Variants in TRDN observed in about 807,000 individuals in gnomAD.
The protein encoded by TRDN is triadin, also known as triadin in skeletal muscle.
In TRDN, 161 loss-of-function variants were observed where a neutral mutation model predicts 149.7. That is an observed-to-expected ratio of 1.08 (90% CI 0.95 to 1.23). The LOEUF is 1.23. TRDN is among the 50% of genes most tolerant of loss of function. The probability of loss-of-function intolerance (pLI) is 0.00; values close to 1 mark genes in which losing one functional copy is unlikely to be tolerated. For synonymous variants in TRDN, 294 were observed against 250.5 expected, an observed-to-expected ratio of 1.17 and a Z score of -1.64; for missense variants, 896 against 823.5, an observed-to-expected ratio of 1.09 and a Z score of -1.08.
chr6:123,393,024 A>G (rs1362846061), intron 13 of TRDN, among the ~76,000 whole-genome samples: 4 of 152,096 alleles, frequency 2.6e-5, no homozygotes, highest in Non-Finnish European at 5.9e-5. Context: ...CCACATAACA[A>G]AGGCAGAACA....
At chr6:123,442,322 T>C (rs1406251862) in intron 10 of TRDN, 1 of 111,246 alleles carries the variant, frequency 9.0e-6, no homozygotes, top group Non-Finnish European at 1.8e-5. Context: ...GGCGGGCGGA[T>C]CACGAGGTCA....
At chr6:123,529,420 G>C (rs1780116653) in intron 5 of TRDN, 1 of 1,411,114 alleles carries the variant, frequency 7.1e-7, no homozygotes. Context: ...TGAAGAATTG[G>C]CTGACCAATC....
intron 9 of TRDN, among the ~76,000 whole-genome samples, chr6:123,493,375 A>G (rs1778304002): frequency 6.6e-6 from 1 of 152,120 alleles, no homozygotes; most frequent in South Asian, 2.1e-4. Context: ...ACAACAGAAA[A>G]TCAGAAAGAG....
intron 22 of TRDN, among the ~76,000 whole-genome samples, chr6:123,332,472 T>C (rs1015247014): frequency 1.8e-4 from 28 of 152,182 alleles, no homozygotes; most frequent in African/African-American, 6.7e-4. Flanking sequence ...GTCTTCAAAA[T>C]GAAGGCCTTG....
At chr6:123,560,155 C>A (rs1424216380) in intron 2 of TRDN, among the ~76,000 whole-genome samples, 2 of 152,122 alleles carry the variant, frequency 1.3e-5, no homozygotes, top group African/African-American at 4.8e-5. Flanking sequence ...TTTTAGAGAC[C>A]CTCAAAATCA....
chr6:123,306,375 A>C (rs1778612353), intron 24 of TRDN, among the ~76,000 whole-genome samples: 1 of 152,096 alleles, frequency 6.6e-6, no homozygotes, highest in African/African-American at 2.4e-5. Flanking sequence ...AAAATGATTG[A>C]TTAGTGATGC....
intron 10 of TRDN, chr6:123,464,225 A>T (rs1776649814): frequency 1.1e-5 from 11 of 968,536 alleles, no homozygotes; most frequent in Non-Finnish European, 1.4e-5. Flanking sequence ...AGTTTAAGAA[A>T]TGAATGAAGA....
At chr6:123,300,669 A>C (rs899737062) in intron 24 of TRDN, among the ~76,000 whole-genome samples, 35 of 151,988 alleles carry the variant, frequency 2.3e-4, no homozygotes, top group Admixed American at 2.2e-3. Context: ...AGACTATAGC[A>C]CTCAAGTCAC....
intron 2 of TRDN, among the ~76,000 whole-genome samples, chr6:123,562,322 G>T (rs1416277994): frequency 1.3e-5 from 2 of 152,190 alleles, no homozygotes; most frequent in African/African-American, 2.4e-5. Context: ...AAGCATGTTT[G>T]GTGGTCTCTT....
At chr6:123,282,134 C>T (rs1219950766) in intron 24 of TRDN, among the ~76,000 whole-genome samples, 2 of 151,868 alleles carry the variant, frequency 1.3e-5, no homozygotes, top group Non-Finnish European at 2.9e-5. Flanking sequence ...ACAACAGAGG[C>T]AGAGACTGGA....
At chr6:123,362,027 G>T (rs1780927457) in intron 20 of TRDN, among the ~76,000 whole-genome samples, 1 of 152,008 alleles carries the variant, frequency 6.6e-6, no homozygotes, top group Admixed American at 6.5e-5. Context: ...AATTAATCTT[G>T]CCTTTTCTCT....
At chr6:123,611,609 C>A (rs946703491) in intron 1 of TRDN, among the ~76,000 whole-genome samples, 2 of 152,068 alleles carry the variant, frequency 1.3e-5, no homozygotes, top group African/African-American at 4.8e-5. Context: ...AGTATATGAA[C>A]TGTCATTGTA....
At chr6:123,226,967 T>C (rs142665609) in intron 38 of TRDN, among the ~76,000 whole-genome samples, 11 of 151,794 alleles carry the variant, frequency 7.2e-5, no homozygotes, top group Admixed American at 5.9e-4. Context: ...AGGGCAACAA[T>C]ATGAAAAAAG....
At chr6:123,300,231 A>G (rs1778353519) in intron 24 of TRDN, among the ~76,000 whole-genome samples, 1 of 151,960 alleles carries the variant, frequency 6.6e-6, no homozygotes, top group Admixed American at 6.6e-5. Context: ...TATTTTTTAA[A>G]AGGAAAGAAA....
chr6:123,368,180 A>T (rs1781186622), intron 19 of TRDN, among the ~76,000 whole-genome samples: 1 of 152,144 alleles, frequency 6.6e-6, no homozygotes, highest in African/African-American at 2.4e-5. Context: ...GAAGTAATGC[A>T]TATTTATATC....
intron 35 of TRDN, among the ~76,000 whole-genome samples, chr6:123,259,078 C>A (rs1776662611): frequency 6.6e-6 from 1 of 151,644 alleles, no homozygotes; most frequent in Non-Finnish European, 1.5e-5. Context: ...TTAATCTTTT[C>A]AAAAAAACAG....
intron 23 of TRDN, among the ~76,000 whole-genome samples, chr6:123,319,202 A>G (rs1008132637): frequency 6.6e-6 from 1 of 151,966 alleles, no homozygotes; most frequent in East Asian, 1.9e-4. Flanking sequence ...AAATTGCATG[A>G]TCTTTCAAAG....
intron 12 of TRDN, among the ~76,000 whole-genome samples, chr6:123,401,619 T>C (rs1261597481): frequency 2.0e-5 from 3 of 152,060 alleles, no homozygotes; most frequent in Non-Finnish European, 4.4e-5. Context: ...GTTTTAGAGA[T>C]TGGCAATTTT....
intron 10 of TRDN, among the ~76,000 whole-genome samples, chr6:123,455,449 T>TGTGTG (rs1452237094): frequency 6.6e-6 from 1 of 150,452 alleles, no homozygotes; most frequent in Non-Finnish European, 1.5e-5. Context: ...TCTGTGTGTG[T>TGTGTG]TAGAGAAACA....
Sources: gnomAD v4.1 joint callset for allele counts (sites outside exome capture counted in the v4.1 genomes callset) on GRCh38, gnomAD v4.1.1 for gene constraint, MANE v1.5 for transcripts, NCBI Gene and HGNC (gene_info 2026-07-23, HGNC 2026-07-21) for gene names.